APBB2: variants seen among roughly 807,000 people sequenced by gnomAD.
APBB2 encodes Fe65-like 1.
APBB2 carries 38 observed loss-of-function variants against 82.5 expected under a neutral mutation model. The ratio of observed to expected loss-of-function variants is 0.46; its 90% CI spans 0.36 to 0.60. The LOEUF is 0.60. Ranked by LOEUF, APBB2 falls within the 20% of genes least tolerant of loss-of-function variation. APBB2 has a pLI of 0.00. For synonymous variants in APBB2, 341 were observed against 368.2 expected, an observed-to-expected ratio of 0.93 and a Z score of 0.85; for missense variants, 772 against 972.3, an observed-to-expected ratio of 0.79 and a Z score of 2.74.
intron 6 of APBB2, among the ~76,000 whole-genome samples, chr4:41,000,652 A>T (rs1257648826): frequency 6.6e-6 from 1 of 152,168 alleles, no homozygotes; most frequent in Admixed American, 6.5e-5. Context: ...CAGAGCACTA[A>T]ACTCAGTTCC....
intron 13 of APBB2, among the ~76,000 whole-genome samples, chr4:40,827,982 T>C (rs1049947864): frequency 2.0e-5 from 3 of 152,192 alleles, no homozygotes; most frequent in Admixed American, 6.5e-5. Flanking sequence ...CAAGAGCTGA[T>C]GGTTTGACAA....
At chr4:40,980,422 C>T (rs1240335260) in intron 6 of APBB2, among the ~76,000 whole-genome samples, 1 of 152,168 alleles carries the variant, frequency 6.6e-6, no homozygotes, top group Non-Finnish European at 1.5e-5. Context: ...GATTCATTTA[C>T]TTTTCTACAA....
At chr4:41,072,684 T>G (rs1734288888) in intron 3 of APBB2, among the ~76,000 whole-genome samples, 1 of 152,192 alleles carries the variant, frequency 6.6e-6, no homozygotes, top group African/African-American at 2.4e-5. Flanking sequence ...TAGCCAAGCC[T>G]AAAAAACCTG....
intron 6 of APBB2, among the ~76,000 whole-genome samples, chr4:41,008,675 T>C (rs1440681450): frequency 6.6e-6 from 1 of 152,244 alleles, no homozygotes; most frequent in Non-Finnish European, 1.5e-5. Flanking sequence ...TCTTGCTATA[T>C]GCCAGATACT....
chr4:40,898,783 G>A (rs952488292), intron 10 of APBB2, among the ~76,000 whole-genome samples: 6 of 151,088 alleles, frequency 4.0e-5, no homozygotes, highest in Admixed American at 2.6e-4. Flanking sequence ...CAAGGTGGGC[G>A]GACCACTTGA....
rs750737216 is a variant in APBB2 at position 40,893,361 on chromosome 4, G to A, written c.1305C>T (p.Leu435=). 130 of 1,613,516 alleles carry A rather than the reference G, an allele frequency of 8.1e-5. 1 individual carries two copies. The South Asian group carries it at 8.6e-4, about 11-fold the overall frequency. ...LGWVEMAEED[L]APGKSSVAVN... ...CCGCAACACTACTTTTACCGGGGGC[G>A]AGGTCCTCTTCTGCCATCTCTACCC... Residue 435 remains leucine, a synonymous_variant, in exon 11 of 18, where the codon CTC becomes CTT. Coordinates refer to ENST00000508593, the MANE Select transcript of APBB2 (RefSeq NM_004307.2).
At chr4:41,071,550 G>A (rs913714521) in intron 3 of APBB2, among the ~76,000 whole-genome samples, 1 of 151,934 alleles carries the variant, frequency 6.6e-6, no homozygotes, top group Non-Finnish European at 1.5e-5. Context: ...GCGTGGTGGC[G>A]GGCACCTGTA....
chr4:40,994,033 T>G (rs566371976), intron 6 of APBB2, among the ~76,000 whole-genome samples: 1 of 152,186 alleles, frequency 6.6e-6, no homozygotes, highest in Admixed American at 6.5e-5. Context: ...CTCACACCTG[T>G]AATCCCAGCA....
chr4:40,870,493 G>A (rs545184677), intron 12 of APBB2, among the ~76,000 whole-genome samples: 188 of 152,268 alleles, frequency 1.2e-3, no homozygotes, highest in Non-Finnish European at 1.7e-3. Flanking sequence ...GAAGCCAACC[G>A]GTGTGCCTCA....
intron 1 of APBB2, among the ~76,000 whole-genome samples, chr4:41,145,510 T>G (rs1760470539): frequency 6.6e-6 from 1 of 152,144 alleles, no homozygotes; most frequent in Non-Finnish European, 1.5e-5. Context: ...AGAAATTTAT[T>G]CTACCAAAAA....
rs1244832292 is a variant in APBB2, at chr4:40,881,531, TTTC to T, written c.1529+8830_1529+8832del. 1.8e-4 allele frequency: 39 copies of T among 222,322 alleles called. 1 individual carries two copies. Among genetic ancestry groups the T allele is most frequent in the South Asian group, 6.7e-4 (3 of 4,500 alleles). 13.8% of individuals were successfully genotyped at this position (222,322 alleles called of 1,614,324 possible). A position where few individuals can be genotyped will look rare whatever the true frequency, so the allele number is the denominator to read the frequency against. On this transcript the variant is annotated intron_variant, in intron 12 of 17. Transcript: ENST00000508593. ...CTTTCCTTTTATCTTTTCTTTTCTT[TTTC>T]TTTTTTTTTTTTTTTTTGATACAGA...
At chr4:40,943,339 A>AG (rs1787538126) in intron 7 of APBB2, among the ~76,000 whole-genome samples, 1 of 152,220 alleles carries the variant, frequency 6.6e-6, no homozygotes, top group South Asian at 2.1e-4. Context: ...GGTTTGGAAT[A>AG]GGGAAATGAA....
chr4:41,118,234 A>G (rs559698596), intron 2 of APBB2: 10 of 152,208 alleles, frequency 6.6e-5, no homozygotes, highest in African/African-American at 2.4e-4. Flanking sequence ...AAAAACAAAA[A>G]CAAAAAACCC....
intron 11 of APBB2, chr4:40,890,717 C>T (rs1771758899): frequency 4.4e-6 from 2 of 455,022 alleles, no homozygotes; most frequent in South Asian, 8.1e-5. Flanking sequence ...TGAAATGTGT[C>T]CCCATCCTGC....
At chr4:41,111,636 A>T (rs1031610742) in intron 2 of APBB2, among the ~76,000 whole-genome samples, 1 of 152,176 alleles carries the variant, frequency 6.6e-6, no homozygotes. Context: ...GGAAATAAAA[A>T]TTTTAAATGC....
At chr4:41,005,513 T>C (rs567622530) in intron 6 of APBB2, among the ~76,000 whole-genome samples, 1 of 152,188 alleles carries the variant, frequency 6.6e-6, no homozygotes, top group Non-Finnish European at 1.5e-5. Flanking sequence ...TTTTTGTCTC[T>C]CTGATCCCAC....
chr4:41,069,496 G>A (rs982690791), intron 3 of APBB2, among the ~76,000 whole-genome samples: 126 of 152,154 alleles, frequency 8.3e-4, no homozygotes, highest in African/African-American at 2.9e-3. Context: ...TCTGCGGTTT[G>A]TCTATTCTGT....
At position 40,945,064 on chromosome 4, in the gene APBB2, C is replaced by T; in HGVS notation, c.845G>A (p.Trp282Ter). The change falls in exon 7 of 18, where the codon TGG (tryptophan) becomes TAG (stop). Residue 282 changes from tryptophan (W) to a stop codon, truncating the protein, a stop_gained. Coordinates refer to ENST00000508593, the MANE Select transcript of APBB2 (RefSeq NM_004307.2). LOFTEE classifies it high-confidence loss of function. Reference protein sequence around the residue: ...PSSPDETADIWSDHSFQTDPD... With the variant: ...PSSPDETADI ...ATCAGTCTGAAATGAGTGATCACTCCATATATCTGCTGAAAAATTGGGGGG... is the reference window on the plus strand; with the variant it reads ...ATCAGTCTGAAATGAGTGATCACTCTATATATCTGCTGAAAAATTGGGGGG... 7.5e-7 allele frequency: 1 copy of T among 1,329,924 alleles called. No individual in the cohort carries two copies. Among genetic ancestry groups the T allele is most frequent in the Non-Finnish European group, 1.1e-6 (1 of 951,322 alleles). The allele number at this position is 1,329,924 out of a possible 1,614,324, so 82.4% of individuals were successfully genotyped here.
chr4:40,982,390 GGAAAGGA>G (rs1799179749), intron 6 of APBB2, among the ~76,000 whole-genome samples: 1 of 11,912 alleles, frequency 8.4e-5, no homozygotes, highest in Non-Finnish European at 1.9e-4. Flanking sequence ...AAGGAAGGAA[GGAAAGGA>G]AAGGAAAGAA....
Sources: gnomAD v4.1 joint callset for allele counts (sites outside exome capture counted in the v4.1 genomes callset) on GRCh38, gnomAD v4.1.1 for gene constraint, MANE v1.5 for transcripts, NCBI Gene and HGNC (gene_info 2026-07-23, HGNC 2026-07-21) for gene names.